Variants in KHDRBS2 observed in about 807,000 individuals in gnomAD.
KHDRBS2 encodes KH domain-containing, RNA-binding, signal transduction-associated protein 2.
In KHDRBS2, 26 loss-of-function variants were observed where a neutral mutation model predicts 44.3. The ratio of observed to expected loss-of-function variants is 0.59; its 90% confidence interval spans 0.43 to 0.81. The LOEUF (loss-of-function observed/expected upper bound fraction) is 0.81, where lower values mean the gene tolerates loss of function less well. Ranked by LOEUF, KHDRBS2 falls within the 40% of genes least tolerant of loss-of-function variation. The pLI is 0.00. For missense variants in KHDRBS2, 476 were observed against 433.1 expected (o/e 1.10, Z -0.88); for synonymous variants, 194 against 151.1 (o/e 1.28, Z -2.08).
In KHDRBS2 at chr6:61,835,440, T is replaced by G. The variant is rs75101434; in HGVS notation, c.810+59195A>C. Among the ~76,000 whole-genome samples the G allele has an allele frequency of 8.7e-3, 1,319 of 152,134 alleles. 14 individuals are homozygous for G. Among genetic ancestry groups the G allele is most frequent in the African/African-American group, 0.03 (1,255 of 41,538 alleles). On this transcript the variant is annotated intron_variant, in intron 6 of 8. Transcript: ENST00000281156. The stretch of plus-strand genomic sequence containing the variant: ...TCAATCATAGCGTTTCATTTCTTTC[T>G]TCCATAGTACAGAGATATTGCCATC...
intron 7 of KHDRBS2, among the ~76,000 whole-genome samples, chr6:61,715,154 T>A (rs563593968): frequency 3.0e-4 from 45 of 152,048 alleles, no homozygotes; most frequent in African/African-American, 9.9e-4. Flanking sequence ...GCTGTTTTTT[T>A]AACATGCAAA....
chr6:61,693,292 C>T (rs7452303), intron 8 of KHDRBS2, among the ~76,000 whole-genome samples: 1 of 152,010 alleles, frequency 6.6e-6, no homozygotes, highest in Non-Finnish European at 1.5e-5. Flanking sequence ...TACCTAATAC[C>T]TAATATCCTA....
chr6:62,106,354 G>A (rs1304486653), intron 2 of KHDRBS2, among the ~76,000 whole-genome samples: 1 of 152,156 alleles, frequency 6.6e-6, no homozygotes, highest in Non-Finnish European at 1.5e-5. Context: ...CTGTCTCGCT[G>A]ATCGGTCTAA....
chr6:62,095,189 C>A (rs973514597), intron 2 of KHDRBS2, among the ~76,000 whole-genome samples: 1 of 151,322 alleles, frequency 6.6e-6, no homozygotes. Context: ...GAAAGCAATC[C>A]CTTTCACAAT....
chr6:61,750,362 CAA>C (rs1777482691), intron 6 of KHDRBS2, among the ~76,000 whole-genome samples: 1 of 152,134 alleles, frequency 6.6e-6, no homozygotes, highest in Non-Finnish European at 1.5e-5. Context: ...AAGTGGGAAA[CAA>C]GAGGAATAAG....
intron 2 of KHDRBS2, among the ~76,000 whole-genome samples, chr6:62,052,785 T>C (rs1371338757): frequency 6.6e-6 from 1 of 152,040 alleles, no homozygotes; most frequent in Non-Finnish European, 1.5e-5. Flanking sequence ...AGGGTTGATC[T>C]GACAGGAGGT....
chr6:61,573,208 TC>T, the KHDRBS2 span, among the ~76,000 whole-genome samples: 12 of 152,144 alleles, frequency 7.9e-5, no homozygotes, highest in South Asian at 2.3e-3. Flanking sequence ...AAGAACTCAA[TC>T]CCTTTTACAA....
At chr6:62,117,254 G>T (rs542001221) in intron 2 of KHDRBS2, among the ~76,000 whole-genome samples, 2 of 151,722 alleles carry the variant, frequency 1.3e-5, no homozygotes, top group South Asian at 2.1e-4. Flanking sequence ...CTACATCCTT[G>T]CCAGCATATG....
At chr6:62,054,862 G>A (rs1479528911) in intron 2 of KHDRBS2, among the ~76,000 whole-genome samples, 1 of 152,030 alleles carries the variant, frequency 6.6e-6, no homozygotes, top group African/African-American at 2.4e-5. Flanking sequence ...TGAAGTTTAA[G>A]TTTGTGGTGA....
chr6:61,935,957 G>A (rs369682847), intron 4 of KHDRBS2, among the ~76,000 whole-genome samples: 1 of 151,912 alleles, frequency 6.6e-6, no homozygotes, highest in South Asian at 2.1e-4. Flanking sequence ...ACCATTTTAT[G>A]TCCTCCTTTT....
chr6:61,544,593 T>C, the KHDRBS2 span, among the ~76,000 whole-genome samples: 1 of 152,088 alleles, frequency 6.6e-6, no homozygotes, highest in Non-Finnish European at 1.5e-5. Flanking sequence ...AATCATTCAT[T>C]TACTTCCTGA....
intron 7 of KHDRBS2, among the ~76,000 whole-genome samples, chr6:61,718,200 G>T (rs1482408669): frequency 6.6e-6 from 1 of 152,014 alleles, no homozygotes; most frequent in Non-Finnish European, 1.5e-5. Flanking sequence ...AGCAAAAAAA[G>T]CAGTGGCTCC....
At position 62,095,915 on chromosome 6, in the gene KHDRBS2, C is replaced by T. The variant is rs1009121431; in HGVS notation, c.220-47921G>A. 4.6e-5 allele frequency among the ~76,000 whole-genome samples: 7 copies of T among 151,712 alleles called. No individual in the cohort carries two copies. In the South Asian group the frequency reaches 6.2e-4, roughly 13 times the overall value. Reference sequence around the variant, plus strand: ...CCTTCTATTACTAACTTGTTGAAAGCGTCTATCATAAAGGGATGTGGAATT... The same window carrying T: ...CCTTCTATTACTAACTTGTTGAAAGTGTCTATCATAAAGGGATGTGGAATT... On this transcript the variant is annotated intron_variant, in intron 2 of 8. Coordinates refer to ENST00000281156, the MANE Select transcript of KHDRBS2 (RefSeq NM_152688.4).
chr6:62,120,005 G>A (rs1193431003), intron 2 of KHDRBS2, among the ~76,000 whole-genome samples: 1 of 152,110 alleles, frequency 6.6e-6, no homozygotes, highest in Non-Finnish European at 1.5e-5. Context: ...CAGAAATCAG[G>A]AAACAGGCAT....
intron 2 of KHDRBS2, among the ~76,000 whole-genome samples, chr6:62,129,316 C>T (rs1562928551): frequency 6.6e-6 from 1 of 152,054 alleles, no homozygotes; most frequent in African/African-American, 2.4e-5. Context: ...ACTGTCTAAA[C>T]ATTGTAAGTA....
chr6:61,843,777 C>A (rs1470146237), intron 6 of KHDRBS2, among the ~76,000 whole-genome samples: 1 of 151,998 alleles, frequency 6.6e-6, no homozygotes, highest in African/African-American at 2.4e-5. Flanking sequence ...GGATTAATTT[C>A]TTTTAAGAAG....
intron 1 of KHDRBS2, among the ~76,000 whole-genome samples, chr6:62,248,337 T>C (rs1284883290): frequency 6.6e-6 from 1 of 151,558 alleles, no homozygotes; most frequent in East Asian, 1.9e-4. Flanking sequence ...CCAGTTTCAA[T>C]ATTATTTTAC....
At chr6:61,705,498 A>G (rs889326848) in intron 7 of KHDRBS2, among the ~76,000 whole-genome samples, 4 of 151,884 alleles carry the variant, frequency 2.6e-5, no homozygotes, top group African/African-American at 7.2e-5. Context: ...AGACCAGAAA[A>G]GAAAATTTAT....
chr6:62,233,129 G>GGGTA (rs1440974458), intron 1 of KHDRBS2, among the ~76,000 whole-genome samples: 1 of 152,138 alleles, frequency 6.6e-6, no homozygotes, highest in African/African-American at 2.4e-5. Context: ...GCTAGGAAGA[G>GGGTA]GGTAGCTTCC....
Sources: gnomAD v4.1 joint callset for allele counts (sites outside exome capture counted in the v4.1 genomes callset) on GRCh38, gnomAD v4.1.1 for gene constraint, MANE v1.5 for transcripts, NCBI Gene and HGNC (gene_info 2026-07-23, HGNC 2026-07-21) for gene names.